FANCA: variants seen among roughly 807,000 people sequenced by gnomAD.
The protein encoded by FANCA is FA complementation group A, also known as Fanconi anemia group A protein.
Under a neutral mutation model 194.3 loss-of-function variants are expected in FANCA, and 236 were observed. The ratio of observed to expected loss-of-function variants is 1.21; its 90% CI spans 1.09 to 1.35. The LOEUF (loss-of-function observed/expected upper bound fraction) is 1.35. Ranked by LOEUF, FANCA falls within the 40% of genes most tolerant of loss-of-function variation. The probability of loss-of-function intolerance (pLI) is 0.00; values close to 1 mark genes in which losing one functional copy is unlikely to be tolerated. For missense variants in FANCA, 2,628 were observed against 1,813.9 expected, an observed-to-expected ratio of 1.45 and a Z score of -8.15; for synonymous variants, 1,014 against 715.8, an observed-to-expected ratio of 1.42 and a Z score of -6.65.
At chr16:89,813,471 TG>T (rs1182167728) in intron 3 of FANCA, among the ~76,000 whole-genome samples, 3 of 151,938 alleles carry the variant, frequency 2.0e-5, no homozygotes, top group African/African-American at 7.3e-5. Flanking sequence ...TTGCTCTTAT[TG>T]CCCAGGCTGG....
At position 89,748,610 on chromosome 16, in the gene FANCA, G is replaced by A. The variant is rs115753762; in HGVS notation, c.3348+49C>T. 4.0e-4 allele frequency: 575 copies of A among 1,425,134 alleles called. 2 individuals are homozygous for A. In the African/African-American group the frequency reaches 6.4e-3, roughly 16 times the overall value. 88.3% of individuals were successfully genotyped at this position (1,425,134 alleles called of 1,614,324 possible). A position where few individuals can be genotyped will look rare whatever the true frequency, so the allele number is the denominator to read the frequency against. On this transcript the variant is annotated intron_variant, in intron 33 of 42. Coordinates refer to ENST00000389301, the MANE Select transcript of FANCA (RefSeq NM_000135.4). ...GGAGGCTGCAAGAGCTGCTGTTAGC[G>A]CCACAGGCACTGACAGATCGGACGG...
rs190069179 is a variant in FANCA at position 89,774,603 on chromosome 16, G to A, written c.1900+1139C>T. Among the ~76,000 whole-genome samples the A allele has an allele frequency of 6.3e-3, 955 of 151,786 alleles. 12 individuals are homozygous for A. Among genetic ancestry groups the A allele is most frequent in the African/African-American group, 0.022 (906 of 41,400 alleles). On this transcript the variant is annotated intron_variant, in intron 21 of 42. Coordinates refer to ENST00000389301, the MANE Select transcript of FANCA (RefSeq NM_000135.4). ...AAATTAGCCGGGTGTGGTGGCGGGC[G>A]CCTGTAGTCCCAGCCACTCGGGAGG...
At chr16:89,739,626 G>GGGTCGGGACGTGTACCCTGGGA (rs1432410521) in intron 39 of FANCA, 73 bp from the exon 40 acceptor site, 2 of 1,523,320 alleles carry the variant, frequency 1.3e-6, no homozygotes, top group Non-Finnish European at 1.8e-6. Context: ...ACACCCCTGG[G>GGGTCGGGACGTGTACCCTGGGA]GGTCGGGACG....
chr16:89,783,489 T>A (rs17232700), intron 15 of FANCA, among the ~76,000 whole-genome samples: 27 of 150,386 alleles, frequency 1.8e-4, no homozygotes, highest in African/African-American at 6.4e-4. Context: ...AGGCGGACCT[T>A]GCAGTGAGCC....
At chr16:89,769,272 G>A (rs961953014) in intron 26 of FANCA, among the ~76,000 whole-genome samples, 2 of 152,250 alleles carry the variant, frequency 1.3e-5, no homozygotes, top group Non-Finnish European at 2.9e-5. Context: ...CCAGCCCTCT[G>A]TCCTGGCTTC....
At chr16:89,810,073 A>T (rs1203974687) in intron 5 of FANCA, among the ~76,000 whole-genome samples, 3 of 151,086 alleles carry the variant, frequency 2.0e-5, no homozygotes, top group African/African-American at 7.3e-5. Context: ...TTGTAATCCC[A>T]GCACTTTGGG....
At chr16:89,747,005 T>G (rs1413947974) in intron 33 of FANCA, 115 bp from the exon 34 acceptor site, 2 of 999,330 alleles carry the variant, frequency 2.0e-6, no homozygotes, top group Non-Finnish European at 3.0e-6. Context: ...AGGCTTGGCG[T>G]GGCCACCATG....
chr16:89,752,090 C>T (rs201556197), intron 31 of FANCA, 48 bp downstream of exon 31: 92 of 1,531,914 alleles, frequency 6.0e-5, no homozygotes, highest in Admixed American at 3.7e-4. Context: ...TAATAGCACG[C>T]GGCTTAAATG....
intron 30 of FANCA, among the ~76,000 whole-genome samples, chr16:89,756,799 C>G (rs2038782262): frequency 6.6e-6 from 1 of 152,102 alleles, no homozygotes; most frequent in African/African-American, 2.4e-5. Context: ...GTTTCTCAGA[C>G]AGAAACGTTT....
chr16:89,739,323 G>A (rs369398999), intron 40 of FANCA, 34 bp from the exon 41 acceptor site: 6 of 1,613,280 alleles, frequency 3.7e-6, no homozygotes, highest in Admixed American at 3.3e-5. Flanking sequence ...AATGGCTACA[G>A]ACTGCTGGAA....
rs369996675 is a variant in FANCA, at chr16:89,742,989, C to T, written c.3627-51G>A. The T allele has an allele frequency of 5.8e-5, 92 of 1,590,868 alleles. 1 individual carries two copies. The highest frequency in any genetic ancestry group is 2.3e-4 in the African/African-American group (17 of 74,188). The stretch of plus-strand genomic sequence containing the variant: ...GCAGGGCCTTACAACCATACAACCA[C>T]GCCATAGAAACCAAGTCCTTATTCC... On this transcript the variant is annotated intron_variant, in intron 36 of 42. Coordinates refer to ENST00000389301, the MANE Select transcript of FANCA (RefSeq NM_000135.4).
At chr16:89,808,215 T>G in intron 6 of FANCA, 79 bp downstream of exon 6, 1 of 1,379,142 alleles carries the variant, frequency 7.3e-7, no homozygotes. Flanking sequence ...CAAACCCGTC[T>G]GATTCTGGGC....
At chr16:89,790,889 G>C (rs977325787) in intron 14 of FANCA, among the ~76,000 whole-genome samples, 16 of 151,916 alleles carry the variant, frequency 1.1e-4, no homozygotes, top group African/African-American at 3.9e-4. Context: ...GCGTACAGTG[G>C]TGCAATCACA....
In FANCA at chr16:89,809,368, G is replaced by A. The variant is rs1179045881; in HGVS notation, c.523-1001C>T. Reference sequence around the variant, plus strand: ...CAAGCTACGTGATAATGAGGGCAGGGACCAAAGCAATAACTGAAAAATCTA... The same window carrying A: ...CAAGCTACGTGATAATGAGGGCAGGAACCAAAGCAATAACTGAAAAATCTA... On this transcript the variant is annotated intron_variant, in intron 5 of 42. Transcript: ENST00000389301. 2.0e-5 allele frequency among the ~76,000 whole-genome samples: 3 copies of A among 152,198 alleles called. No individual in the cohort carries two copies. In the East Asian group the frequency reaches 5.8e-4, roughly 29 times the overall value.
intron 11 of FANCA, 194 bp from the exon 12 acceptor site, chr16:89,792,741 G>A (rs570421601): frequency 5.5e-5 from 30 of 546,592 alleles, no homozygotes; most frequent in African/African-American, 1.1e-4. Context: ...ATCAATGCGC[G>A]GAGACCGGTA....
chr16:89,809,822 CAG>C (rs1361006913), intron 5 of FANCA, among the ~76,000 whole-genome samples: 2 of 150,744 alleles, frequency 1.3e-5, no homozygotes, highest in Non-Finnish European at 2.9e-5. Flanking sequence ...CATTGCACTC[CAG>C]CCTGGGCAAC....
intron 14 of FANCA, 25 bp downstream of exon 14, chr16:89,791,378 G>A (rs562009845): frequency 1.2e-6 from 2 of 1,612,340 alleles, no homozygotes; most frequent in Admixed American, 3.3e-5. Flanking sequence ...TCAGGTATTA[G>A]GTAGCCGATT....
intron 37 of FANCA, among the ~76,000 whole-genome samples, chr16:89,741,119 AAG>A (rs2062122473): frequency 2.6e-5 from 4 of 152,262 alleles, no homozygotes; most frequent in Admixed American, 2.6e-4. Flanking sequence ...AAGAGCCAGA[AAG>A]AGAAGACTGC....
At position 89,775,821 on chromosome 16, in the gene FANCA, TC is replaced by T; in HGVS notation, c.1827-7del. The stretch of plus-strand genomic sequence containing the variant: ...ATGGGGGGATTTTATCTGCTCTGGA[TC>T]ACAGGAAAACAATACAATTAAGTCA... On this transcript the variant is annotated splice_polypyrimidine_tract_variant and splice_region_variant and intron_variant, in intron 20 of 42. Coordinates refer to ENST00000389301, the MANE Select transcript of FANCA (RefSeq NM_000135.4). The T allele has an allele frequency of 6.2e-7, 1 of 1,605,380 alleles. No individual in the cohort carries two copies. Among genetic ancestry groups the T allele is most frequent in the South Asian group, 1.1e-5 (1 of 90,306 alleles).
Sources: gnomAD v4.1 joint callset for allele counts (sites outside exome capture counted in the v4.1 genomes callset) on GRCh38, gnomAD v4.1.1 for gene constraint, MANE v1.5 for transcripts, NCBI Gene and HGNC (gene_info 2026-07-23, HGNC 2026-07-21) for gene names.